RASGRF1: variants seen among roughly 807,000 people sequenced by gnomAD.
RASGRF1 encodes Ras protein specific guanine nucleotide releasing factor 1, also known as ras-specific guanine nucleotide-releasing factor 1.
RASGRF1 carries 40 observed loss-of-function variants against 138.7 expected under a neutral mutation model. The observed-to-expected ratio is 0.29, with a 90% CI of 0.22 to 0.38. The LOEUF (loss-of-function observed/expected upper bound fraction) is 0.38, where lower values mean the gene tolerates loss of function less well. Among genes scored for constraint, RASGRF1 ranks in the 10% least tolerant of loss-of-function variants. RASGRF1 has a pLI of 1.00. For synonymous variants in RASGRF1, 614 were observed against 663.2 expected, an observed-to-expected ratio of 0.93 and a Z score of 1.14; for missense variants, 1,108 against 1,650.4, an observed-to-expected ratio of 0.67 and a Z score of 5.69.
chr15:78,962,800 T>G (rs1007352122), intron 26 of RASGRF1, among the ~76,000 whole-genome samples: 1 of 152,200 alleles, frequency 6.6e-6, no homozygotes, highest in African/African-American at 2.4e-5. Context: ...GCAGGATCAC[T>G]TGAGCCCAGG....
intron 1 of RASGRF1, among the ~76,000 whole-genome samples, chr15:79,084,889 G>A (rs1161420553): frequency 6.6e-6 from 1 of 152,090 alleles, no homozygotes; most frequent in Non-Finnish European, 1.5e-5. Flanking sequence ...ACAACCAATG[G>A]GATGGCAGGT....
chr15:79,004,116 G>A lies in RASGRF1; in HGVS notation c.2135C>T (p.Pro712Leu), dbSNP rs558096808. 8.1e-6 allele frequency: 13 copies of A among 1,613,408 alleles called. 1 individual carries two copies. The South Asian group carries it at 1.4e-4, about 18-fold the overall frequency. Residue 712 changes from proline to leucine, a missense_variant, in exon 15 of 27, where the codon CCC becomes CTC. Physicochemically the swap from Pro to Leu is moderately conservative, Grantham distance 98. Transcript: ENST00000558480. ...QNNKLLYGEP[P>L]KSPRATRKFS... ...CTTGCGGGTGGCGCGCGGGGACTTG[G>A]GGGGTTCACCGTACAGGAGCTTATT...
In RASGRF1 at chr15:78,978,786, A is replaced by G. The variant is rs1349421901; in HGVS notation, c.3494+1834T>C. The G allele has an allele frequency of 1.9e-5, 22 of 1,128,406 alleles. No homozygotes were observed. The South Asian group carries it at 4.2e-4, about 21-fold the overall frequency. 69.9% of individuals were successfully genotyped at this position (1,128,406 alleles called of 1,614,324 possible). A position where few individuals can be genotyped will look rare whatever the true frequency, so the allele number is the denominator to read the frequency against. ...GGAAGCATTTGCCCCAGGTTTCCCC[A>G]GTCCCTCCCTCCTCTGTGTGCCCTG... On this transcript the variant is annotated intron_variant, in intron 24 of 26. Coordinates refer to ENST00000558480, the MANE Select transcript of RASGRF1 (RefSeq NM_001145648.3).
At chr15:79,026,588 T>A (rs2057058606) in intron 9 of RASGRF1, among the ~76,000 whole-genome samples, 2 of 152,178 alleles carry the variant, frequency 1.3e-5, no homozygotes, top group South Asian at 4.1e-4. Context: ...GCTGGCTGCA[T>A]GACTGACAAG....
intron 2 of RASGRF1, among the ~76,000 whole-genome samples, chr15:79,059,241 TCCC>T (rs2057555549): frequency 6.4e-5 from 7 of 109,612 alleles, no homozygotes; most frequent in Admixed American, 2.5e-4. Flanking sequence ...TCCCTTCCCT[TCCC>T]TTCCCTATCC....
chr15:79,010,250 C>A (rs191360782), intron 13 of RASGRF1, among the ~76,000 whole-genome samples: 43 of 152,254 alleles, frequency 2.8e-4, no homozygotes, highest in East Asian at 1.4e-3. Flanking sequence ...GTTGGCCAGG[C>A]TGGCCTCGAC....
intron 9 of RASGRF1, among the ~76,000 whole-genome samples, chr15:79,026,582 G>A (rs1235547650): frequency 6.6e-6 from 1 of 152,200 alleles, no homozygotes; most frequent in Non-Finnish European, 1.5e-5. Flanking sequence ...ATCAGTGCTG[G>A]CTGCATGACT....
At chr15:79,079,366 A>T (rs2057882724) in intron 1 of RASGRF1, among the ~76,000 whole-genome samples, 1 of 151,722 alleles carries the variant, frequency 6.6e-6, no homozygotes. Context: ...GAAATGGCCC[A>T]TGTGCAGGGA....
chr15:79,017,683 C>T lies in RASGRF1; in HGVS notation c.1743+87G>A, dbSNP rs189149181. 15 of 1,438,096 alleles carry T rather than the reference C, an allele frequency of 1.0e-5. No individual in the cohort carries two copies. The East Asian group carries it at 3.3e-4, about 32-fold the overall frequency. 89.1% of individuals were successfully genotyped at this position (1,438,096 alleles called of 1,614,324 possible). The stretch of plus-strand genomic sequence containing the variant: ...GAACAGTGCAGCTACTCCACCACCC[C>T]CACCCCCTACCTGCCACCAGCCAAA... On this transcript the variant is annotated intron_variant, in intron 12 of 26. Transcript: ENST00000558480.
At chr15:78,993,378 T>TGTGTGTGTGG (rs1170471592) in intron 20 of RASGRF1, among the ~76,000 whole-genome samples, 1 of 139,668 alleles carries the variant, frequency 7.2e-6, no homozygotes, top group Non-Finnish European at 1.6e-5. Context: ...GTGTAGTGTG[T>TGTGTGTGTGG]GTGTGTGGGT....
rs1013664551 is a variant in RASGRF1 at position 79,046,455 on chromosome 15, C to T, written c.878+291G>A. On this transcript the variant is annotated intron_variant, in intron 5 of 26. Coordinates refer to ENST00000558480, the MANE Select transcript of RASGRF1 (RefSeq NM_001145648.3). This position sits in a 1 kb window ranked among gnomAD's most constrained non-coding sequence, Gnocchi z 5.3. Reference sequence around the variant, plus strand: ...AACAGCAACCTCCCTCAAGTGGTGACAATCAACAATGTTTCCAAACATTCC... The same window carrying T: ...AACAGCAACCTCCCTCAAGTGGTGATAATCAACAATGTTTCCAAACATTCC... Among the ~76,000 whole-genome samples, 1 of 152,204 alleles carries T rather than the reference C, an allele frequency of 6.6e-6. No individual in the cohort carries two copies. Among genetic ancestry groups the T allele is most frequent in the Non-Finnish European group, 1.5e-5 (1 of 68,036 alleles).
intron 1 of RASGRF1, among the ~76,000 whole-genome samples, chr15:79,087,881 G>A (rs1273671341): frequency 2.0e-5 from 3 of 152,188 alleles, no homozygotes; most frequent in Admixed American, 1.3e-4. Context: ...AGAAATTTGC[G>A]CCAGACCATC....
At chr15:79,035,286 C>G in intron 5 of RASGRF1, 76 bp from the exon 6 acceptor site, 1 of 1,218,892 alleles carries the variant, frequency 8.2e-7, no homozygotes. Flanking sequence ...CCCAAACCTC[C>G]TGCGTGACTT....
intron 1 of RASGRF1, among the ~76,000 whole-genome samples, chr15:79,086,978 G>A (rs1334943586): frequency 2.6e-5 from 4 of 152,234 alleles, no homozygotes; most frequent in Non-Finnish European, 5.9e-5. Flanking sequence ...CCCAGGCCAG[G>A]GAGGTGGCTT....
chr15:79,071,744 C>T (rs1436453752), intron 1 of RASGRF1, among the ~76,000 whole-genome samples: 1 of 152,070 alleles, frequency 6.6e-6, no homozygotes, highest in African/African-American at 2.4e-5. Context: ...CCAGGTCTTC[C>T]CTCCCCACTC....
chr15:79,006,757 A>G lies in RASGRF1; in HGVS notation c.1827-323T>C, dbSNP rs2056683342. Among the ~76,000 whole-genome samples, 1 of 152,248 alleles carries G rather than the reference A, an allele frequency of 6.6e-6. No individual in the cohort carries two copies. Among genetic ancestry groups the G allele is most frequent in the African/African-American group, 2.4e-5 (1 of 41,476 alleles). On this transcript the variant is annotated intron_variant, in intron 13 of 26. Coordinates refer to ENST00000558480, the MANE Select transcript of RASGRF1 (RefSeq NM_001145648.3). This position sits in a 1 kb window ranked among gnomAD's most constrained non-coding sequence, Gnocchi z 4.0. ...TGGGGTGCAGTGGCTCACGCCTGTA[A>G]TCCCAGCACTTTGGGAGGCTGAGGT...
chr15:79,082,212 C>T (rs372616331), intron 1 of RASGRF1, among the ~76,000 whole-genome samples: 1 of 152,244 alleles, frequency 6.6e-6, no homozygotes, highest in Non-Finnish European at 1.5e-5. Flanking sequence ...ATTCTCCTCT[C>T]AGCCTTTCTG....
intron 26 of RASGRF1, among the ~76,000 whole-genome samples, chr15:78,967,087 G>C (rs985403789): frequency 3.3e-5 from 5 of 152,102 alleles, no homozygotes; most frequent in African/African-American, 1.2e-4. Flanking sequence ...AGGATCACTT[G>C]AGCGCAGGAG....
At chr15:79,060,189 G>A (rs1203769690) in intron 2 of RASGRF1, among the ~76,000 whole-genome samples, 1 of 152,190 alleles carries the variant, frequency 6.6e-6, no homozygotes, top group Non-Finnish European at 1.5e-5. Context: ...TGATGATGTT[G>A]ACTATTCTAA....
Sources: gnomAD v4.1 joint callset for allele counts (sites outside exome capture counted in the v4.1 genomes callset) on GRCh38, gnomAD v4.1.1 for gene constraint, Gnocchi (gnomAD v3.1) non-coding constraint, MANE v1.5 for transcripts, NCBI Gene and HGNC (gene_info 2026-07-23, HGNC 2026-07-21) for gene names.